Variants in HERC3 observed in about 807,000 individuals in gnomAD.
HERC3 encodes the protein HECT and RLD domain containing E3 ubiquitin protein ligase 3.
HERC3 carries 58 observed loss-of-function variants against 129.9 expected under a neutral mutation model. The ratio of observed to expected loss-of-function variants is 0.45; its 90% CI spans 0.36 to 0.56. The LOEUF (loss-of-function observed/expected upper bound fraction) is 0.56, where lower values mean the gene tolerates loss of function less well. Among genes scored for constraint, HERC3 ranks in the 20% least tolerant of loss-of-function variants. The pLI is 0.00. For missense variants in HERC3, 835 were observed against 1,244.2 expected (o/e 0.67, Z 4.95); for synonymous variants, 430 against 451.0 (o/e 0.95, Z 0.59).
chr4:88,585,127 G>C, the HERC3 span, among the ~76,000 whole-genome samples: 5 of 152,210 alleles, frequency 3.3e-5, no homozygotes, highest in African/African-American at 7.2e-5. Flanking sequence ...GAAGGGGCTA[G>C]CTACCTCTAT....
intron 21 of HERC3, among the ~76,000 whole-genome samples, chr4:88,685,598 G>A (rs539010342): frequency 9.2e-5 from 14 of 152,240 alleles, no homozygotes; most frequent in African/African-American, 3.1e-4. Flanking sequence ...GGCCTTTCGG[G>A]TGGTGGAGGT....
At chr4:88,690,713 T>G (rs1733987176) in intron 23 of HERC3, 1 of 620,594 alleles carries the variant, frequency 1.6e-6, no homozygotes, top group Non-Finnish European at 2.0e-6. Context: ...AAGTTATTTC[T>G]CTTAGCATAT....
Position 88,678,279 on chromosome 4 carries a change from A to G in HERC3, c.2196+145A>G, listed in dbSNP as rs2149312869. The G allele has an allele frequency of 7.7e-6, 5 of 651,958 alleles. No individual in the cohort carries two copies. In the East Asian group the frequency reaches 1.1e-4, roughly 15 times the overall value. 40.4% of individuals were successfully genotyped at this position (651,958 alleles called of 1,614,324 possible). A position where few individuals can be genotyped will look rare whatever the true frequency, so the allele number is the denominator to read the frequency against. ...AAGAATTTAATCACCTACTTTTGTC[A>G]AATCACCAAACAGAACACCTCAATG... On this transcript the variant is annotated intron_variant, in intron 19 of 25. Coordinates refer to ENST00000402738, the MANE Select transcript of HERC3 (RefSeq NM_014606.3).
At chr4:88,667,617 T>C in intron 13 of HERC3, 129 bp downstream of exon 13, 1 of 659,588 alleles carries the variant, frequency 1.5e-6, no homozygotes, top group Non-Finnish European at 2.6e-6. Context: ...AAGTATTTAC[T>C]CTGGGAATTA....
intron 16 of HERC3, among the ~76,000 whole-genome samples, chr4:88,674,695 G>C (rs1731974319): frequency 6.6e-6 from 1 of 151,336 alleles, no homozygotes; most frequent in South Asian, 2.1e-4. Flanking sequence ...TTGTTTTTTT[G>C]TTTTTAGTCA....
At chr4:88,705,696 G>A (rs1735717615) in intron 25 of HERC3, among the ~76,000 whole-genome samples, 1 of 152,202 alleles carries the variant, frequency 6.6e-6, no homozygotes, top group African/African-American at 2.4e-5. Flanking sequence ...TTGTGTCTGT[G>A]TGTAATCAGC....
chr4:88,652,730 C>A, intron 5 of HERC3, 139 bp from the exon 6 acceptor site: 1 of 846,742 alleles, frequency 1.2e-6, no homozygotes, highest in Non-Finnish European at 1.8e-6. Context: ...AGTCTGATAG[C>A]ATGAAGTATC....
intron 23 of HERC3, among the ~76,000 whole-genome samples, chr4:88,691,763 TA>T (rs1193051826): frequency 6.6e-6 from 1 of 152,272 alleles, no homozygotes; most frequent in Non-Finnish European, 1.5e-5. Context: ...TTGATCATTA[TA>T]GTCATTATTT....
At position 88,626,246 on chromosome 4, in the gene HERC3, C is replaced by T. The variant is rs538479588; in HGVS notation, c.226+20197C>T. Among the ~76,000 whole-genome samples the T allele has an allele frequency of 6.6e-5, 10 of 152,118 alleles. No homozygotes were observed. In the South Asian group the frequency reaches 2.1e-3, roughly 32 times the overall value. On this transcript the variant is annotated intron_variant, in intron 3 of 25. Transcript: ENST00000402738. ...TTTCTTTTTTTGAGACAAGATCTCT[C>T]AAAAGTCCAAGGCTGGTCTTGAACT...
At chr4:88,547,294 A>AT in the HERC3 span, among the ~76,000 whole-genome samples, 2 of 152,204 alleles carry the variant, frequency 1.3e-5, no homozygotes, top group African/African-American at 4.8e-5. Context: ...TCACTGCATT[A>AT]TTGTAACAAA....
chr4:88,655,239 T>C lies in HERC3; in HGVS notation c.843T>C (p.Asp281=). The part of the protein sequence containing the change: ...CGQLGHDSMN[D]EVNPRRVLEL... ...AACTTGGACACGACTCCATGAATGA[T>C]GAGGTTAACCCTAGAAGAGTTCTAG... is the stretch of plus-strand genomic sequence containing the variant. The change falls in exon 8 of 26, where the codon GAT becomes GAC. Residue 281 remains aspartate, a synonymous_variant. Transcript: ENST00000402738. 1 of 1,613,972 alleles carries C rather than the reference T, an allele frequency of 6.2e-7. No homozygotes were observed. The highest frequency in any genetic ancestry group is 8.5e-7 in the Non-Finnish European group (1 of 1,179,904).
the HERC3 span, among the ~76,000 whole-genome samples, chr4:88,565,337 A>G: frequency 1.3e-5 from 2 of 152,008 alleles, no homozygotes; most frequent in Non-Finnish European, 2.9e-5. Context: ...TGGGGTGTTG[A>G]AGTCTCTGGC....
the HERC3 span, among the ~76,000 whole-genome samples, chr4:88,538,379 G>A: frequency 3.3e-5 from 5 of 152,150 alleles, no homozygotes; most frequent in African/African-American, 1.2e-4. Flanking sequence ...CCACAGACTG[G>A]ATGGCTTGAA....
At chr4:88,597,842 A>G (rs1477905204) in intron 2 of HERC3, 1 of 152,224 alleles carries the variant, frequency 6.6e-6, no homozygotes, top group Admixed American at 6.5e-5. Flanking sequence ...CAAGGAGTGG[A>G]TTCACGTTGT....
Position 88,697,755 on chromosome 4 carries a change from G to A in HERC3, c.2658-6343G>A, listed in dbSNP as rs776447153. ...GCCCCTGGTTTTCCGAGTCGGCCAT[G>A]TTAGAGGAGAAGCCGCAGAGGTCTA... is the stretch of plus-strand genomic sequence containing the variant. On this transcript the variant is annotated intron_variant, in intron 23 of 25. Coordinates refer to ENST00000402738, the MANE Select transcript of HERC3 (RefSeq NM_014606.3). 5.0e-6 allele frequency: 8 copies of A among 1,604,578 alleles called. 1 individual carries two copies. The South Asian group carries it at 8.9e-5, about 18-fold the overall frequency.
intron 3 of HERC3, among the ~76,000 whole-genome samples, chr4:88,613,515 A>G (rs780607663): frequency 6.6e-6 from 1 of 152,210 alleles, no homozygotes; most frequent in Non-Finnish European, 1.5e-5. Flanking sequence ...GCTTCTAACC[A>G]TGGTAGAAGT....
At chr4:88,562,863 T>A in the HERC3 span, among the ~76,000 whole-genome samples, 1 of 152,246 alleles carries the variant, frequency 6.6e-6, no homozygotes, top group Non-Finnish European at 1.5e-5. Flanking sequence ...GGTTTATGTG[T>A]CTGTTTTTAT....
At chr4:88,633,312 A>G (rs142530612) in intron 3 of HERC3, among the ~76,000 whole-genome samples, 15 of 152,304 alleles carry the variant, frequency 9.8e-5, no homozygotes, top group Non-Finnish European at 2.2e-4. Flanking sequence ...GAAATAGCAG[A>G]TTTATCTGGG....
chr4:88,617,049 T>C (rs1012478734), intron 3 of HERC3, among the ~76,000 whole-genome samples: 3 of 152,102 alleles, frequency 2.0e-5, no homozygotes, highest in South Asian at 2.1e-4. Flanking sequence ...TGGCTTGTTA[T>C]GTTGAAAGTA....
Sources: gnomAD v4.1 joint callset for allele counts (sites outside exome capture counted in the v4.1 genomes callset) on GRCh38, gnomAD v4.1.1 for gene constraint, MANE v1.5 for transcripts, NCBI Gene and HGNC (gene_info 2026-07-23, HGNC 2026-07-21) for gene names.